The following BSN variants were observed in gnomAD, a reference collection of about 807,000 sequenced individuals.
BSN encodes the protein protein bassoon.
BSN carries 57 observed loss-of-function variants against 264.8 expected under a neutral mutation model. That is an observed-to-expected ratio of 0.22 (90% CI 0.17 to 0.27). The LOEUF (loss-of-function observed/expected upper bound fraction) is 0.27. Ranked by LOEUF, BSN falls within the 10% of genes least tolerant of loss-of-function variation. The probability of loss-of-function intolerance (pLI) is 1.00; values close to 1 mark genes in which losing one functional copy is unlikely to be tolerated. For missense variants in BSN, 4,615 were observed against 5,232.5 expected, an observed-to-expected ratio of 0.88 and a Z score of 3.64; for synonymous variants, 2,059 against 2,137.3, an observed-to-expected ratio of 0.96 and a Z score of 1.01.
Position 49,643,094 on chromosome 3 carries a change from C to T in BSN, c.1460C>T (p.Thr487Ile), listed in dbSNP as rs756677488. ...CCAGCCAACTATAACACATGCACCA[C>T]CTGCAGGCTCCAGGTGTGCAACCTG... is the stretch of plus-strand genomic sequence containing the variant. ...KSPANYNTCT[T>I]CRLQVCNLCG... Residue 487 changes from threonine to isoleucine, a missense_variant, in exon 3 of 12, where the codon ACC (threonine) becomes ATC (isoleucine). Physicochemically the swap from Thr to Ile is moderately conservative, Grantham distance 89. Around this residue, in one of 3 missense-constraint regions of BSN, gnomAD observed 1,197 missense variants for 1,348.0 expected, o/e 0.89. Transcript: ENST00000296452. 1.9e-6 allele frequency: 3 copies of T among 1,613,644 alleles called. No individual in the cohort carries two copies. The highest frequency in any genetic ancestry group is 2.7e-5 in the African/African-American group (2 of 74,932).
rs187751121 is a variant in BSN, at chr3:49,650,348, G to A, written c.1519-264G>A. On this transcript the variant is annotated intron_variant, in intron 3 of 11. Transcript: ENST00000296452. The stretch of plus-strand genomic sequence containing the variant: ...ACAGTTCTCCCCCTTTTCTGGCCTG[G>A]TGAAAAGTTCTCTGTGGGTTAAGGA... Among the ~76,000 whole-genome samples the A allele has an allele frequency of 6.0e-3, 912 of 152,278 alleles. 12 individuals carry two copies. Among genetic ancestry groups the A allele is most frequent in the African/African-American group, 0.021 (880 of 41,548 alleles).
Position 49,657,610 on chromosome 3 carries a change from C to T in BSN, c.8054C>T (p.Ser2685Phe), listed in dbSNP as rs755112102. Residue 2685 changes from serine to phenylalanine, a missense_variant, in exon 5 of 12, where the codon TCT becomes TTT. Physicochemically the swap from Ser to Phe is radical, Grantham distance 155 (BLOSUM62 -2). Around this residue, in one of 3 missense-constraint regions of BSN, gnomAD observed 3,415 missense variants for 3,866.4 expected, o/e 0.88. Coordinates refer to ENST00000296452, the MANE Select transcript of BSN (RefSeq NM_003458.4). ...GAGCCTGACCAGCTGCCCAGGGTCT[C>T]TCCAGCCATCCACATCACAGCTGCC... ...QTEPDQLPRV[S>F]PAIHITAATD... 6.2e-7 allele frequency: 1 copy of T among 1,607,436 alleles called. No homozygotes were observed. The highest frequency in any genetic ancestry group is 8.5e-7 in the Non-Finnish European group (1 of 1,175,842).
rs1420495603 is a variant in BSN at position 49,655,035 on chromosome 3, A to G, written c.5479A>G (p.Ile1827Val). The change falls in exon 5 of 12, where the codon ATT becomes GTT. Residue 1827 changes from isoleucine (I) to valine (V), a missense_variant. By Grantham distance (29) the Ile-to-Val change is conservative. Transcript: ENST00000296452. ...LITQMGTAQS[I>V]GLKPGPVPEP... ...CACTCAGATGGGCACCGCCCAGAGC[A>G]TTGGCCTCAAGCCAGGCCCAGTGCC... The G allele has an allele frequency of 2.5e-6, 4 of 1,613,016 alleles. No homozygotes were observed. In the African/African-American group the frequency reaches 5.3e-5, roughly 22 times the overall value.
At position 49,663,893 on chromosome 3, in the gene BSN, C is replaced by T; in HGVS notation, c.11608+7C>T. 6.2e-7 allele frequency: 1 copy of T among 1,613,354 alleles called. No individual in the cohort carries two copies. Among genetic ancestry groups the T allele is most frequent in the Non-Finnish European group, 8.5e-7 (1 of 1,179,618 alleles). On this transcript the variant is annotated splice_region_variant and intron_variant, in intron 8 of 11. Coordinates refer to ENST00000296452, the MANE Select transcript of BSN (RefSeq NM_003458.4). ...CCAGGACCTGGACCTGCAGGTGAGC[C>T]TATCCTTTGACACCCTTGGCTGTGG...
chr3:49,598,593 G>A (rs751131513), intron 1 of BSN, among the ~76,000 whole-genome samples: 5 of 152,118 alleles, frequency 3.3e-5, no homozygotes, highest in Non-Finnish European at 5.9e-5. Flanking sequence ...CACCATGCCT[G>A]GCCTTTTTGT....
At chr3:49,598,956 C>T (rs1443639532) in intron 1 of BSN, among the ~76,000 whole-genome samples, 1 of 152,082 alleles carries the variant, frequency 6.6e-6, no homozygotes, top group Admixed American at 6.6e-5. Flanking sequence ...GCTGCTATCA[C>T]AGTTCAAGGA....
At chr3:49,609,673 A>T (rs2052188306) in intron 1 of BSN, among the ~76,000 whole-genome samples, 2 of 152,110 alleles carry the variant, frequency 1.3e-5, no homozygotes, top group Admixed American at 1.3e-4. Context: ...AGCACAATAT[A>T]ACTGGTATGA....
At chr3:49,584,011 C>T (rs746248930) in intron 1 of BSN, among the ~76,000 whole-genome samples, 2 of 152,074 alleles carry the variant, frequency 1.3e-5, no homozygotes, top group Non-Finnish European at 2.9e-5. Context: ...GTAGCTGGGA[C>T]TACAGGTGCC....
intron 1 of BSN, among the ~76,000 whole-genome samples, chr3:49,571,852 G>T (rs1292987707): frequency 6.6e-6 from 1 of 152,088 alleles, no homozygotes; most frequent in African/African-American, 2.4e-5. Context: ...TAGGCATAAG[G>T]GATAGAGGTA....
At chr3:49,631,232 C>T (rs931738164) in intron 2 of BSN, among the ~76,000 whole-genome samples, 2 of 151,678 alleles carry the variant, frequency 1.3e-5, no homozygotes, top group East Asian at 1.9e-4. Flanking sequence ...AGGGCTATGG[C>T]GGGTGCTGTT....
chr3:49,596,616 A>G (rs763872430), intron 1 of BSN, among the ~76,000 whole-genome samples: 1 of 152,104 alleles, frequency 6.6e-6, no homozygotes, highest in Non-Finnish European at 1.5e-5. Context: ...CGGCCTCCCA[A>G]AGTGCTGGGA....
intron 1 of BSN, among the ~76,000 whole-genome samples, chr3:49,558,294 T>TGG (rs944221329): frequency 6.6e-6 from 1 of 152,140 alleles, no homozygotes; most frequent in Non-Finnish European, 1.5e-5. Flanking sequence ...TGCAGGGTGG[T>TGG]GGGGGAAAGC....
rs1208262444 is a variant in BSN, at chr3:49,642,712, C to A, written c.1078C>A (p.Gln360Lys). The change falls in exon 3 of 12, where the codon CAG (glutamine) becomes AAG (lysine). Residue 360 changes from glutamine (Q) to lysine (K), a missense_variant. Gln to Lys is a moderately conservative substitution (Grantham distance 53, BLOSUM62 1). Coordinates refer to ENST00000296452, the MANE Select transcript of BSN (RefSeq NM_003458.4). This position sits in a 1 kb window ranked among gnomAD's most constrained non-coding sequence, Gnocchi z 7.0. ...CGGCCTTGGCGCGTCACTGCTAACC[C>A]AGGCGAGCACCCTCATGTCTGTGCA... is the stretch of plus-strand genomic sequence containing the variant. Reference protein sequence around the residue: ...LFGLGASLLTQASTLMSVQPE... With the variant: ...LFGLGASLLTKASTLMSVQPE... 6.2e-7 allele frequency: 1 copy of A among 1,613,470 alleles called. No individual in the cohort carries two copies. Among genetic ancestry groups the A allele is most frequent in the Non-Finnish European group, 8.5e-7 (1 of 1,179,930 alleles).
chr3:49,648,239 C>T (rs367930150), intron 3 of BSN, among the ~76,000 whole-genome samples: 1 of 152,216 alleles, frequency 6.6e-6, no homozygotes. Flanking sequence ...GTGTGGGGTT[C>T]GCAGGCCAGA....
intron 1 of BSN, among the ~76,000 whole-genome samples, chr3:49,592,482 G>A (rs1331081864): frequency 4.6e-5 from 7 of 151,102 alleles, no homozygotes; most frequent in African/African-American, 1.5e-4. Flanking sequence ...GGCCGGACGC[G>A]GTGGCTCACG....
downstream of BSN, among the ~76,000 whole-genome samples, chr3:49,671,862 G>C (rs552774560): frequency 1.3e-5 from 2 of 152,226 alleles, no homozygotes; most frequent in South Asian, 4.2e-4. The surrounding 1 kb of genome is among the most constrained non-coding windows in gnomAD (Gnocchi z 4.1). Flanking sequence ...GTTCCAGGGA[G>C]GCAGTGAACA....
At position 49,612,814 on chromosome 3, in the gene BSN, T is replaced by G. The variant is rs117222356; in HGVS notation, c.225-12161T>G. Reference sequence around the variant, plus strand: ...ATGGAAGAAAACTTTCCCCCTGAAATAAAAGAACACATAAATCTTTTGTTT... The same window carrying G: ...ATGGAAGAAAACTTTCCCCCTGAAAGAAAAGAACACATAAATCTTTTGTTT... On this transcript the variant is annotated intron_variant, in intron 1 of 11. Transcript: ENST00000296452. 1.6e-3 allele frequency among the ~76,000 whole-genome samples: 239 copies of G among 152,240 alleles called. 6 individuals are homozygous for G. In the East Asian group the frequency reaches 0.039, roughly 25 times the overall value.
intron 1 of BSN, among the ~76,000 whole-genome samples, chr3:49,606,058 TA>T (rs1389049938): frequency 2.2e-5 from 2 of 91,190 alleles, no homozygotes; most frequent in South Asian, 3.6e-4. Context: ...TATATAATTA[TA>T]AATATATTAT....
rs1304178419 is a variant in BSN at position 49,554,514 on chromosome 3, C to T, written c.-89C>T. On this transcript the variant is annotated 5_prime_UTR_variant, in exon 1 of 12. Coordinates refer to ENST00000296452, the MANE Select transcript of BSN (RefSeq NM_003458.4). Reference sequence around the variant, plus strand: ...GAGCCGAGCTGGGAGATGGCGGCGGCAGCGGCGGCGCCGAGAGTGTGAGCA... The same window carrying T: ...GAGCCGAGCTGGGAGATGGCGGCGGTAGCGGCGGCGCCGAGAGTGTGAGCA... 1.1e-5 allele frequency: 4 copies of T among 370,096 alleles called. No individual in the cohort carries two copies. The highest frequency in any genetic ancestry group is 1.1e-5 in the Non-Finnish European group (3 of 268,018). 22.9% of individuals were successfully genotyped at this position (370,096 alleles called of 1,614,324 possible). A position where few individuals can be genotyped will look rare whatever the true frequency, so the allele number is the denominator to read the frequency against.
Sources: allele counts gnomAD v4.1 joint callset (sites outside exome capture counted in the v4.1 genomes callset), GRCh38; gene constraint gnomAD v4.1.1; regional missense constraint gnomAD v4.1.1; non-coding constraint Gnocchi (gnomAD v3.1); transcripts MANE v1.5; gene names NCBI Gene and HGNC (gene_info 2026-07-23, HGNC 2026-07-21).